Variants in EXPH5 observed in about 807,000 individuals in gnomAD.
EXPH5 encodes exophilin 5.
In EXPH5, 42 loss-of-function variants were observed where a neutral mutation model predicts 41.1. The ratio of observed to expected loss-of-function variants is 1.02; its 90% CI spans 0.80 to 1.32. The LOEUF is 1.32. EXPH5 is among the 40% of genes most tolerant of loss of function. The probability of loss-of-function intolerance (pLI) is 0.00; values close to 1 mark genes in which losing one functional copy is unlikely to be tolerated. For missense variants in EXPH5, 2,298 were observed against 2,314.5 expected, an observed-to-expected ratio of 0.99 and a Z score of 0.15; for synonymous variants, 798 against 833.5, an observed-to-expected ratio of 0.96 and a Z score of 0.73.
rs146199863 is a variant in EXPH5 at position 108,509,554 on chromosome 11, T to C, written c.5953A>G (p.Lys1985Glu). The C allele has an allele frequency of 5.1e-3, 7,917 of 1,556,862 alleles. 36 individuals carry two copies. Among genetic ancestry groups the C allele is most frequent in the Non-Finnish European group, 6.5e-3 (7,581 of 1,158,690 alleles). Reference sequence around the variant, plus strand: ...AAAAAGCCTCACAGTTCTGACTCTTTGTCATTTTCATCCAGGTAGTATTCA... The same window carrying C: ...AAAAAGCCTCACAGTTCTGACTCTTCGTCATTTTCATCCAGGTAGTATTCA... ...DDEYYLDEND[K>E]ESEL Residue 1985 changes from lysine (K) to glutamate (E), a missense_variant, in exon 6 of 6, where the codon AAA becomes GAA. Coordinates refer to ENST00000265843, the MANE Select transcript of EXPH5 (RefSeq NM_015065.3).
At chr11:108,517,529 G>T (rs897728448) in intron 5 of EXPH5, among the ~76,000 whole-genome samples, 1 of 152,184 alleles carries the variant, frequency 6.6e-6, no homozygotes, top group African/African-American at 2.4e-5. Flanking sequence ...AAATGGCCGG[G>T]CTTATATAGA....
In EXPH5 at chr11:108,510,626, A is replaced by G; in HGVS notation, c.4881T>C (p.Ser1627=). The change falls in exon 6 of 6, where the codon TCT becomes TCC. Residue 1627 remains serine (S), a synonymous_variant. Transcript: ENST00000265843. The stretch of plus-strand genomic sequence containing the variant: ...TGCCAAGAGATAAATGGTCAAAGCC[A>G]GATCTGCTTCCACTTTGGGGGAAGA... ...ATIFPQSGSR[S]GFDHLSLGTV... 1 of 1,614,188 alleles carries G rather than the reference A, an allele frequency of 6.2e-7. No homozygotes were observed. Among genetic ancestry groups the G allele is most frequent in the South Asian group, 1.1e-5 (1 of 91,068 alleles).
chr11:108,568,626 C>G (rs998365423), intron 1 of EXPH5, among the ~76,000 whole-genome samples: 4 of 152,090 alleles, frequency 2.6e-5, no homozygotes, highest in African/African-American at 9.7e-5. Context: ...AGTTGATGTC[C>G]TTTAGTATTC....
intron 1 of EXPH5, among the ~76,000 whole-genome samples, chr11:108,556,226 G>A (rs561157676): frequency 6.6e-6 from 1 of 151,868 alleles, no homozygotes; most frequent in South Asian, 2.1e-4. Flanking sequence ...TTAAAGCAGG[G>A]GAACCTTCCT....
chr11:108,570,775 G>GCTT (rs1359258949), intron 1 of EXPH5, among the ~76,000 whole-genome samples: 1 of 152,246 alleles, frequency 6.6e-6, no homozygotes, highest in East Asian at 1.9e-4. Flanking sequence ...TGAACTCCTG[G>GCTT]CTTCAAGTGA....
chr11:108,557,857 A>C (rs775518954), intron 1 of EXPH5, among the ~76,000 whole-genome samples: 1 of 152,158 alleles, frequency 6.6e-6, no homozygotes, highest in Non-Finnish European at 1.5e-5. Flanking sequence ...TGAGTTTGGG[A>C]AATTCCCTTT....
At chr11:108,532,367 T>TATATATATATATATATATATATA (rs61454000) in intron 3 of EXPH5, among the ~76,000 whole-genome samples, 1 of 20,362 alleles carries the variant, frequency 4.9e-5, no homozygotes, top group Non-Finnish European at 7.5e-5. Context: ...TATATATATA[T>TATATATATATATATATATATATA]TTTTTTTTTT....
intron 1 of EXPH5, among the ~76,000 whole-genome samples, chr11:108,572,336 C>T (rs2094063335): frequency 1.3e-5 from 2 of 152,186 alleles, no homozygotes; most frequent in African/African-American, 4.8e-5. Context: ...CACACGTTTA[C>T]TCACTGTCCC....
At chr11:108,558,021 C>T (rs1774158580) in intron 1 of EXPH5, among the ~76,000 whole-genome samples, 2 of 152,312 alleles carry the variant, frequency 1.3e-5, no homozygotes, top group Middle Eastern at 3.4e-3. Context: ...CAGCTCACTG[C>T]AACCTCTGCC....
chr11:108,533,881 A>G (rs1387153657), intron 3 of EXPH5, among the ~76,000 whole-genome samples: 2 of 151,954 alleles, frequency 1.3e-5, no homozygotes, highest in African/African-American at 2.4e-5. Context: ...CTGAAGCTTG[A>G]CCTTCTGGGC....
intron 1 of EXPH5, among the ~76,000 whole-genome samples, chr11:108,581,306 A>G (rs1406335461): frequency 1.3e-5 from 2 of 151,990 alleles, no homozygotes; most frequent in East Asian, 3.9e-4. Context: ...ACTATTTCAG[A>G]GAAAAGAAAA....
At chr11:108,544,495 T>C (rs2136040363) in intron 1 of EXPH5, among the ~76,000 whole-genome samples, 1 of 152,328 alleles carries the variant, frequency 6.6e-6, no homozygotes, top group Middle Eastern at 3.4e-3. Flanking sequence ...ATAATCACAG[T>C]TCACTTAATC....
At chr11:108,519,103 T>C (rs1370533260) in intron 4 of EXPH5, among the ~76,000 whole-genome samples, 3 of 152,200 alleles carry the variant, frequency 2.0e-5, no homozygotes, top group African/African-American at 7.2e-5. Flanking sequence ...CTTAATAAAC[T>C]TGCTTTCACT....
chr11:108,548,917 A>G (rs2093951244), intron 1 of EXPH5, among the ~76,000 whole-genome samples: 1 of 152,222 alleles, frequency 6.6e-6, no homozygotes, highest in Non-Finnish European at 1.5e-5. Context: ...AAACTTGAGG[A>G]CAGTACTTTC....
rs766089899 is a variant in EXPH5 at position 108,510,744 on chromosome 11, C to G, written c.4763G>C (p.Arg1588Thr). The change falls in exon 6 of 6, where the codon AGA becomes ACA. Residue 1588 changes from arginine to threonine, a missense_variant. Arg to Thr is a moderately conservative substitution (Grantham distance 71, BLOSUM62 -1). Coordinates refer to ENST00000265843, the MANE Select transcript of EXPH5 (RefSeq NM_015065.3). ...NLDDLVKGEN[R>T]SSVKHRLAAM... ...TGCCAATCTGTGTTTAACTGAAGAT[C>G]TATTTTCCCCCTTTACTAGGTCATC... The G allele has an allele frequency of 2.9e-5, 47 of 1,614,062 alleles. No homozygotes were observed. Among genetic ancestry groups the G allele is most frequent in the Middle Eastern group, 1.6e-4 (1 of 6,084 alleles).
At chr11:108,559,076 C>A (rs1337811651) in intron 1 of EXPH5, among the ~76,000 whole-genome samples, 1 of 152,138 alleles carries the variant, frequency 6.6e-6, no homozygotes, top group African/African-American at 2.4e-5. Flanking sequence ...TTTCCAGGAG[C>A]CTGATTTATT....
chr11:108,554,264 A>G (rs2093980937), intron 1 of EXPH5, among the ~76,000 whole-genome samples: 1 of 152,120 alleles, frequency 6.6e-6, no homozygotes, highest in Admixed American at 6.5e-5. Flanking sequence ...CATGTTGGCC[A>G]GGCTGGTCTT....
the EXPH5 span, among the ~76,000 whole-genome samples, chr11:108,600,176 A>G: frequency 6.6e-6 from 1 of 152,198 alleles, no homozygotes; most frequent in Non-Finnish European, 1.5e-5. Flanking sequence ...AACTTCAAAG[A>G]AATGTCCACT....
intron 1 of EXPH5, among the ~76,000 whole-genome samples, chr11:108,569,071 G>A (rs2094048023): frequency 6.6e-6 from 1 of 152,096 alleles, no homozygotes; most frequent in African/African-American, 2.4e-5. Flanking sequence ...CTCTCACGTT[G>A]CACTCTGGTG....
Sources: gnomAD v4.1 joint callset for allele counts (sites outside exome capture counted in the v4.1 genomes callset) on GRCh38, gnomAD v4.1.1 for gene constraint, MANE v1.5 for transcripts, NCBI Gene and HGNC (gene_info 2026-07-23, HGNC 2026-07-21) for gene names.